The following PRDM5 variants were observed in gnomAD, a reference collection of about 807,000 sequenced individuals.
The protein encoded by PRDM5 is PR/SET domain 5.
A neutral mutation model predicts 81.2 loss-of-function variants in PRDM5; 56 were observed. The ratio of observed to expected loss-of-function variants is 0.69; its 90% CI spans 0.56 to 0.86. The LOEUF (loss-of-function observed/expected upper bound fraction) is 0.86, where lower values mean the gene tolerates loss of function less well. Ranked by LOEUF, PRDM5 falls within the 40% of genes least tolerant of loss-of-function variation. The pLI, the probability that PRDM5 is intolerant of heterozygous loss-of-function variation, is 0.00. For synonymous variants in PRDM5, 267 were observed against 256.4 expected, an observed-to-expected ratio of 1.04 and a Z score of -0.39; for missense variants, 697 against 770.1, an observed-to-expected ratio of 0.91 and a Z score of 1.12.
At chr4:120,710,010 T>A (rs547924534) in intron 15 of PRDM5, among the ~76,000 whole-genome samples, 1 of 152,278 alleles carries the variant, frequency 6.6e-6, no homozygotes, top group African/African-American at 2.4e-5. Context: ...CCTCAAATCA[T>A]CATGCTTTTA....
At chr4:120,899,950 G>A (rs1389894365) in intron 2 of PRDM5, among the ~76,000 whole-genome samples, 1 of 152,104 alleles carries the variant, frequency 6.6e-6, no homozygotes, top group Non-Finnish European at 1.5e-5. Context: ...ATTAATAAGG[G>A]ATATTCCAAA....
At chr4:120,714,214 T>C (rs545701360) in intron 14 of PRDM5, among the ~76,000 whole-genome samples, 44 of 152,346 alleles carry the variant, frequency 2.9e-4, no homozygotes, top group African/African-American at 1.1e-3. Context: ...CAAGGATCTG[T>C]TGGTGGCAAA....
At chr4:120,888,707 T>TA (rs1763733632) in intron 2 of PRDM5, among the ~76,000 whole-genome samples, 1 of 152,172 alleles carries the variant, frequency 6.6e-6, no homozygotes, top group Non-Finnish European at 1.5e-5. Flanking sequence ...TGTGACCAAT[T>TA]AAAAAACCCA....
At chr4:120,838,363 T>C (rs1222436316) in intron 3 of PRDM5, 1 of 152,218 alleles carries the variant, frequency 6.6e-6, no homozygotes, top group Non-Finnish European at 1.5e-5. Context: ...ATACATATCA[T>C]GTATAGTGAT....
chr4:120,885,691 G>A (rs755284683), intron 2 of PRDM5: 4 of 152,274 alleles, frequency 2.6e-5, no homozygotes, highest in Non-Finnish European at 5.9e-5. Context: ...CTACTCACGA[G>A]GCTGAGGCAG....
intron 15 of PRDM5, among the ~76,000 whole-genome samples, chr4:120,708,460 A>T (rs953334798): frequency 5.3e-5 from 8 of 152,122 alleles, no homozygotes; most frequent in African/African-American, 1.7e-4. Context: ...AAGTGAAAGC[A>T]GATTGGTAGC....
At chr4:120,754,863 G>C (rs937641878) in intron 13 of PRDM5, among the ~76,000 whole-genome samples, 1 of 152,130 alleles carries the variant, frequency 6.6e-6, no homozygotes, top group African/African-American at 2.4e-5. Flanking sequence ...GAGCACTTCC[G>C]ATACTCAAAA....
At chr4:120,843,901 T>C (rs375556696) in intron 3 of PRDM5, among the ~76,000 whole-genome samples, 1 of 152,136 alleles carries the variant, frequency 6.6e-6, no homozygotes, top group Non-Finnish European at 1.5e-5. Context: ...CTTGTGTCTA[T>C]AAAGTCTTTA....
chr4:120,859,149 A>T (rs1028143333), intron 2 of PRDM5, among the ~76,000 whole-genome samples: 1 of 152,004 alleles, frequency 6.6e-6, no homozygotes, highest in African/African-American at 2.4e-5. Flanking sequence ...GGCTACAGGC[A>T]CCTTAAATAT....
In PRDM5 at chr4:120,699,161, AATATATATATATATAT is replaced by A. The variant is rs70948358; in HGVS notation, c.1729-3902_1729-3887del. ...TGTATAGGCAATTATAGGAAATATA[AATATATATATATATAT>A]ATATATATATATATATATATATATA... On this transcript the variant is annotated intron_variant, in intron 15 of 15. Coordinates refer to ENST00000264808, the MANE Select transcript of PRDM5 (RefSeq NM_018699.4). Among the ~76,000 whole-genome samples, 267 of 73,484 alleles carry A rather than the reference AATATATATATATATAT, an allele frequency of 3.6e-3. 2 individuals are homozygous for A. Among genetic ancestry groups the A allele is most frequent in the African/African-American group, 4.8e-3 (109 of 22,510 alleles). The allele number at this position is 73,484 out of a possible 152,430, so 48.2% of individuals were successfully genotyped here. A position where few individuals can be genotyped will look rare whatever the true frequency, so the allele number is the denominator to read the frequency against.
At chr4:120,732,731 T>G (rs1740451585) in intron 14 of PRDM5, among the ~76,000 whole-genome samples, 2 of 152,228 alleles carry the variant, frequency 1.3e-5, no homozygotes, top group Non-Finnish European at 1.5e-5. Context: ...TTTAATTTCA[T>G]GACCAAATGA....
chr4:120,709,448 C>A (rs1397986312), intron 15 of PRDM5, among the ~76,000 whole-genome samples: 2 of 152,102 alleles, frequency 1.3e-5, no homozygotes, highest in Non-Finnish European at 2.9e-5. Flanking sequence ...TTGTCTTAAC[C>A]TTACCACTGA....
chr4:120,711,464 ATTT>A (rs5861485), intron 14 of PRDM5, among the ~76,000 whole-genome samples: 38,302 of 134,422 alleles, frequency 0.28, 5,256 homozygotes, highest in Non-Finnish European at 0.34. Context: ...ATACCCAGCT[ATTT>A]TTTTTTTTTT....
intron 15 of PRDM5, among the ~76,000 whole-genome samples, chr4:120,704,308 C>G (rs1172605750): frequency 6.6e-6 from 1 of 152,176 alleles, no homozygotes; most frequent in Non-Finnish European, 1.5e-5. Flanking sequence ...AAATGATGCT[C>G]TGTATAAATC....
chr4:120,816,401 C>T, intron 7 of PRDM5, 52 bp downstream of exon 7: 1 of 1,613,860 alleles, frequency 6.2e-7, no homozygotes, highest in East Asian at 2.2e-5. Context: ...CAGATCGCTG[C>T]AGCCTGGGGA....
chr4:120,748,672 C>A (rs1429305592), intron 14 of PRDM5, among the ~76,000 whole-genome samples: 3 of 151,530 alleles, frequency 2.0e-5, no homozygotes, highest in African/African-American at 7.3e-5. Context: ...CAAAAGAGGA[C>A]CTGCTCCCTC....
At chr4:120,704,798 G>A (rs909459393) in intron 15 of PRDM5, among the ~76,000 whole-genome samples, 3 of 152,152 alleles carry the variant, frequency 2.0e-5, no homozygotes, top group Admixed American at 1.3e-4. Context: ...AGGATGCATC[G>A]CGGTTTATCA....
At chr4:120,739,964 G>C (rs951797253) in intron 14 of PRDM5, among the ~76,000 whole-genome samples, 1 of 152,132 alleles carries the variant, frequency 6.6e-6, no homozygotes, top group African/African-American at 2.4e-5. Context: ...GGGTAATGAT[G>C]CTGTCGGTCT....
At chr4:120,900,168 G>C (rs2148657540) in intron 2 of PRDM5, among the ~76,000 whole-genome samples, 1 of 152,206 alleles carries the variant, frequency 6.6e-6, no homozygotes, top group African/African-American at 2.4e-5. Context: ...TCATTACTAG[G>C]CATGACTGAT....
Sources: gnomAD v4.1 joint callset for allele counts (sites outside exome capture counted in the v4.1 genomes callset) on GRCh38, gnomAD v4.1.1 for gene constraint, MANE v1.5 for transcripts, NCBI Gene and HGNC (gene_info 2026-07-23, HGNC 2026-07-21) for gene names.